HDAC8: variants seen among roughly 807,000 people sequenced by gnomAD.
HDAC8 encodes the protein histone deacetylase-like 1.
A neutral mutation model predicts 32.2 loss-of-function variants in HDAC8; 1 was observed. The ratio of observed to expected loss-of-function variants is 0.03; its 90% CI spans 0.01 to 0.15. The LOEUF (loss-of-function observed/expected upper bound fraction) is 0.15, where lower values mean the gene tolerates loss of function less well. Ranked by LOEUF, HDAC8 falls within the 10% of genes least tolerant of loss-of-function variation. The pLI, the probability that HDAC8 is intolerant of heterozygous loss-of-function variation, is 1.00. For synonymous variants in HDAC8, 108 were observed against 113.9 expected (o/e 0.95, Z 0.33); for missense variants, 117 against 300.0 (o/e 0.39, Z 4.51).
chrX:72,521,832 T>C (rs956773994), intron 4 of HDAC8, among the ~76,000 whole-genome samples: 2 of 110,896 alleles, frequency 1.8e-5, no homozygotes, highest in Admixed American at 1.9e-4. Context: ...AACAGACCCA[T>C]TCTCGGTCCT....
intron 9 of HDAC8, among the ~76,000 whole-genome samples, chrX:72,399,142 C>T (rs782191643): frequency 9.0e-6 from 1 of 111,462 alleles, no homozygotes; most frequent in South Asian, 3.8e-4. Context: ...TTTAATATAC[C>T]TAGAATTGAG....
At chrX:72,546,682 C>T (rs1482891158) in intron 4 of HDAC8, among the ~76,000 whole-genome samples, 4 of 110,840 alleles carry the variant, frequency 3.6e-5, no homozygotes, top group African/African-American at 1.3e-4. Context: ...AAGGCAGAAT[C>T]AAAGGATTCA....
intron 4 of HDAC8, among the ~76,000 whole-genome samples, chrX:72,513,827 G>A (rs1556023280): frequency 9.0e-6 from 1 of 111,640 alleles, no homozygotes; most frequent in Non-Finnish European, 1.9e-5. Flanking sequence ...AAATCAGGAA[G>A]CTTTAAGGGC....
intron 9 of HDAC8, among the ~76,000 whole-genome samples, chrX:72,408,414 AT>A (rs1180634884): frequency 1.1e-4 from 12 of 107,130 alleles, no homozygotes; most frequent in African/African-American, 2.7e-4. Flanking sequence ...TTCTTTCTTT[AT>A]TTTTTTTTTG....
intron 4 of HDAC8, among the ~76,000 whole-genome samples, chrX:72,515,819 A>G (rs1276941544): frequency 8.9e-6 from 1 of 111,969 alleles, no homozygotes; most frequent in Non-Finnish European, 1.9e-5. Context: ...CCATACTGAG[A>G]TGGAGAAGTC....
chrX:72,478,713 G>A (rs2048410970), intron 7 of HDAC8, among the ~76,000 whole-genome samples: 1 of 104,585 alleles, frequency 9.6e-6, no homozygotes, highest in Non-Finnish European at 2.0e-5. Flanking sequence ...GAGTGCAGTG[G>A]CGTGATCTCG....
At chrX:72,432,163 A>T (rs1305519217) in intron 9 of HDAC8, among the ~76,000 whole-genome samples, 2 of 110,041 alleles carry the variant, frequency 1.8e-5, no homozygotes, top group Non-Finnish European at 3.8e-5. Context: ...TTGTGGAGAC[A>T]GGGTCTCACT....
At chrX:72,415,343 T>C (rs972299906) in intron 9 of HDAC8, among the ~76,000 whole-genome samples, 15 of 112,236 alleles carry the variant, frequency 1.3e-4, no homozygotes, top group African/African-American at 4.8e-4. Context: ...TGTAGCTACA[T>C]AGTCTTAAAA....
chrX:72,532,789 T>C (rs2147418919), intron 4 of HDAC8, among the ~76,000 whole-genome samples: 1 of 111,845 alleles, frequency 8.9e-6, no homozygotes, highest in Non-Finnish European at 1.9e-5. Context: ...TTCTTAGATA[T>C]ATTATTTTCA....
chrX:72,474,523 G>A, intron 7 of HDAC8: 1 of 1,087,955 alleles, frequency 9.2e-7, no homozygotes, highest in Non-Finnish European at 1.2e-6. Context: ...TATCCAGAAA[G>A]GAGGGGGAGG....
At chrX:72,542,588 C>T (rs1487761422) in intron 4 of HDAC8, among the ~76,000 whole-genome samples, 2 of 111,996 alleles carry the variant, frequency 1.8e-5, no homozygotes, top group Non-Finnish European at 3.8e-5. Flanking sequence ...CATAACTGGT[C>T]TCTTAGCCTT....
intron 3 of HDAC8, 81 bp downstream of exon 3, chrX:72,568,673 C>A: frequency 9.1e-7 from 1 of 1,094,239 alleles, no homozygotes; most frequent in Non-Finnish European, 1.3e-6. Flanking sequence ...GATTTCTTAA[C>A]GAAAAATATT....
chrX:72,559,867 G>A (rs1000363401), intron 4 of HDAC8, among the ~76,000 whole-genome samples: 1 of 110,000 alleles, frequency 9.1e-6, no homozygotes, highest in Non-Finnish European at 1.9e-5. Flanking sequence ...GAGCGTCTCC[G>A]CCTGGCAGCC....
chrX:72,481,254 A>G (rs2048492771), intron 7 of HDAC8, among the ~76,000 whole-genome samples: 1 of 110,547 alleles, frequency 9.0e-6, no homozygotes, highest in Non-Finnish European at 1.9e-5. Flanking sequence ...CTATCATGAG[A>G]ACAGCATGAG....
intron 4 of HDAC8, among the ~76,000 whole-genome samples, chrX:72,535,254 A>G (rs1435926043): frequency 5.4e-5 from 6 of 112,035 alleles, no homozygotes; most frequent in African/African-American, 1.9e-4. Context: ...TAAGGGCAGA[A>G]ATGGTTACAG....
At chrX:72,442,124 C>T (rs2047174591) in intron 9 of HDAC8, among the ~76,000 whole-genome samples, 2 of 111,015 alleles carry the variant, frequency 1.8e-5, no homozygotes, top group Non-Finnish European at 3.8e-5. Context: ...GGATATTATC[C>T]AGGAGAACTT....
At chrX:72,458,689 G>A (rs1416802191) in intron 9 of HDAC8, among the ~76,000 whole-genome samples, 1 of 111,887 alleles carries the variant, frequency 8.9e-6, no homozygotes, top group African/African-American at 3.3e-5. Context: ...GGTTGGGGGC[G>A]TGGTGCAGAC....
rs1319280092 is a variant in HDAC8, at chrX:72,474,803, G to A, written c.738-10072C>T. 8 of 612,428 alleles carry A rather than the reference G, an allele frequency of 1.3e-5. No homozygotes were observed. In the East Asian group the frequency reaches 1.4e-4, roughly 10 times the overall value. 50.5% of individuals were successfully genotyped at this position (612,428 alleles called of 1,213,427 possible). The stretch of plus-strand genomic sequence containing the variant: ...AAAAGAAAAGCCCAAGAACAAAATC[G>A]TAGAGTTACTCCCTTTTCTTTGATT... On this transcript the variant is annotated intron_variant, in intron 7 of 10. Coordinates refer to ENST00000373573, the MANE Select transcript of HDAC8 (RefSeq NM_018486.3).
chrX:72,463,890 G>C (rs2047936193), intron 8 of HDAC8, among the ~76,000 whole-genome samples: 1 of 112,168 alleles, frequency 8.9e-6, no homozygotes, highest in Non-Finnish European at 1.9e-5. Flanking sequence ...GTGCCAGGTA[G>C]GTAGACAGAA....
Sources: gnomAD v4.1 joint callset for allele counts (sites outside exome capture counted in the v4.1 genomes callset) on GRCh38, gnomAD v4.1.1 for gene constraint, MANE v1.5 for transcripts, NCBI Gene and HGNC (gene_info 2026-07-23, HGNC 2026-07-21) for gene names.